GNAZ: variants seen among roughly 807,000 people sequenced by gnomAD.
The protein encoded by GNAZ is G protein subunit alpha z, also known as guanine nucleotide-binding protein G(z) subunit alpha.
A neutral mutation model predicts 25.4 loss-of-function variants in GNAZ; 3 were observed. That is an observed-to-expected ratio of 0.12 (90% CI 0.05 to 0.30). The LOEUF (loss-of-function observed/expected upper bound fraction) is 0.30, where lower values mean the gene tolerates loss of function less well. GNAZ is among the 10% of genes least tolerant of loss of function. GNAZ has a pLI of 1.00. For synonymous variants in GNAZ, 211 were observed against 205.7 expected (o/e 1.03, Z -0.22); for missense variants, 241 against 501.8 (o/e 0.48, Z 4.97).
intron 2 of GNAZ, among the ~76,000 whole-genome samples, chr22:23,100,905 T>C (rs1351308563): frequency 6.6e-6 from 1 of 152,208 alleles, no homozygotes; most frequent in Non-Finnish European, 1.5e-5. Flanking sequence ...ACACAGCGTG[T>C]TCCTGCCACC....
intron 1 of GNAZ, among the ~76,000 whole-genome samples, chr22:23,072,839 G>T (rs1399530009): frequency 6.6e-6 from 1 of 152,220 alleles, no homozygotes; most frequent in East Asian, 1.9e-4. Context: ...AGACCTGGAG[G>T]CCCCACCAGA....
chr22:23,071,672 G>A lies in GNAZ; in HGVS notation c.-450+1102G>A, dbSNP rs1036638277. On this transcript the variant is annotated intron_variant, in intron 1 of 2. Transcript: ENST00000615612. This position sits in a 1 kb window ranked among gnomAD's most constrained non-coding sequence, Gnocchi z 4.1. ...GATTGACCACCGCATAGGGGAAAAC[G>A]TCTCTACTCGACCAACCCCGCTTGA... is the stretch of plus-strand genomic sequence containing the variant. Among the ~76,000 whole-genome samples the A allele has an allele frequency of 2.6e-5, 4 of 152,192 alleles. No individual in the cohort carries two copies. Among genetic ancestry groups the A allele is most frequent in the African/African-American group, 9.7e-5 (4 of 41,448 alleles).
intron 1 of GNAZ, among the ~76,000 whole-genome samples, chr22:23,073,992 G>A (rs1043454370): frequency 2.6e-5 from 4 of 152,126 alleles, no homozygotes; most frequent in Non-Finnish European, 4.4e-5. Context: ...GCTGAGCAGG[G>A]GAGAGACAGC....
Position 23,071,689 on chromosome 22 carries a change from C to T in GNAZ, c.-450+1119C>T, listed in dbSNP as rs1412777034. On this transcript the variant is annotated intron_variant, in intron 1 of 2. Transcript: ENST00000615612. This position sits in a 1 kb window ranked among gnomAD's most constrained non-coding sequence, Gnocchi z 4.1. The stretch of plus-strand genomic sequence containing the variant: ...GGGAAAACGTCTCTACTCGACCAAC[C>T]CCGCTTGAGTGCAGGTGCAGGGGCC... Among the ~76,000 whole-genome samples, 8 of 152,204 alleles carry T rather than the reference C, an allele frequency of 5.3e-5. No individual in the cohort carries two copies. Among genetic ancestry groups the T allele is most frequent in the Non-Finnish European group, 1.0e-4 (7 of 68,046 alleles).
At chr22:23,121,413 C>G (rs1029992872) in intron 2 of GNAZ, among the ~76,000 whole-genome samples, 4 of 152,210 alleles carry the variant, frequency 2.6e-5, no homozygotes, top group Non-Finnish European at 5.9e-5. Context: ...GCAGCATCCT[C>G]CTGGGCACCC....
chr22:23,123,640 C>T lies in GNAZ; in HGVS notation c.*209C>T, dbSNP rs992781475. 1.4e-5 allele frequency: 8 copies of T among 586,334 alleles called. No homozygotes were observed. Among genetic ancestry groups the T allele is most frequent in the South Asian group, 2.1e-5 (1 of 47,430 alleles). 36.3% of individuals were successfully genotyped at this position (586,334 alleles called of 1,614,324 possible). ...AGGTAGATAGACACACACACATGCA[C>T]ACACACACATCTGGAGATGGCAAAA... On this transcript the variant is annotated 3_prime_UTR_variant, in exon 3 of 3. Transcript: ENST00000615612.
intron 1 of GNAZ, among the ~76,000 whole-genome samples, chr22:23,084,571 G>A (rs2068766352): frequency 6.6e-6 from 1 of 152,216 alleles, no homozygotes; most frequent in Non-Finnish European, 1.5e-5. Context: ...CACTGGCCAG[G>A]ATGAAGCAGC....
rs191523724 is a variant in GNAZ, at chr22:23,112,741, G to A, written c.724-10346G>A. On this transcript the variant is annotated intron_variant, in intron 2 of 2. Coordinates refer to ENST00000615612, the MANE Select transcript of GNAZ (RefSeq NM_002073.4). ...GTAGACTGGCTGCAATGGGGAGCCTGGCCAGGAGAAGCCAGAGACGGACAC... is the reference window on the plus strand; with the variant it reads ...GTAGACTGGCTGCAATGGGGAGCCTAGCCAGGAGAAGCCAGAGACGGACAC... Among the ~76,000 whole-genome samples, 372 of 152,286 alleles carry A rather than the reference G, an allele frequency of 2.4e-3. 2 individuals are homozygous for A. Among genetic ancestry groups the A allele is most frequent in the African/African-American group, 8.8e-3 (364 of 41,540 alleles).
At chr22:23,089,027 T>C (rs2068890186) in intron 1 of GNAZ, among the ~76,000 whole-genome samples, 4 of 152,170 alleles carry the variant, frequency 2.6e-5, no homozygotes, top group Admixed American at 1.3e-4. Flanking sequence ...GAACCATCAC[T>C]TCGTCTTGGC....
chr22:23,105,296 C>T (rs2069432866), intron 2 of GNAZ, among the ~76,000 whole-genome samples: 1 of 152,206 alleles, frequency 6.6e-6, no homozygotes, highest in Non-Finnish European at 1.5e-5. Flanking sequence ...AGGTCCTGCC[C>T]CACAGGGCCA....
At chr22:23,123,023 C>G in intron 2 of GNAZ, 64 bp from the exon 3 acceptor site, 2 of 1,069,632 alleles carry the variant, frequency 1.9e-6, no homozygotes, top group Non-Finnish European at 2.8e-6. Flanking sequence ...GGCAGGGCTG[C>G]AGGTCTAGGG....
chr22:23,123,103 G>A lies in GNAZ; in HGVS notation c.740G>A (p.Ser247Asn). ...TTTCCCCAGAGTCGGATGGCAGAGA[G>A]CTTGCGCCTCTTTGACTCCATCTGC... ...EDNQTSRMAE[S>N]LRLFDSICNN... The change falls in exon 3 of 3, where the codon AGC becomes AAC. Residue 247 changes from serine (S) to asparagine (N), a missense_variant. Physicochemically the swap from Ser to Asn is conservative, Grantham distance 46. Transcript: ENST00000615612. 1 of 1,612,718 alleles carries A rather than the reference G, an allele frequency of 6.2e-7. No individual in the cohort carries two copies. Among genetic ancestry groups the A allele is most frequent in the Non-Finnish European group, 8.5e-7 (1 of 1,178,740 alleles).
chr22:23,119,154 G>A (rs932020408), intron 2 of GNAZ, among the ~76,000 whole-genome samples: 24 of 152,198 alleles, frequency 1.6e-4, no homozygotes, highest in Non-Finnish European at 2.4e-4. Flanking sequence ...TCAGGATGCC[G>A]CTTTGCCCAC....
At chr22:23,092,384 G>A (rs901366009) in intron 1 of GNAZ, among the ~76,000 whole-genome samples, 13 of 152,102 alleles carry the variant, frequency 8.5e-5, no homozygotes, top group Admixed American at 4.6e-4. Flanking sequence ...TGCACAGGGC[G>A]CTCATACCCC....
intron 2 of GNAZ, among the ~76,000 whole-genome samples, chr22:23,118,443 G>A (rs1163305886): frequency 2.0e-5 from 3 of 152,224 alleles, no homozygotes; most frequent in Non-Finnish European, 4.4e-5. Flanking sequence ...AGCAGTGAAT[G>A]GTGGTGTGTT....
intron 1 of GNAZ, among the ~76,000 whole-genome samples, chr22:23,083,805 C>T (rs1391132769): frequency 2.0e-5 from 3 of 152,228 alleles, no homozygotes; most frequent in Admixed American, 6.5e-5. Flanking sequence ...CAGCGGCACA[C>T]CACACCTGTT....
intron 1 of GNAZ, among the ~76,000 whole-genome samples, chr22:23,092,900 T>G (rs2069024320): frequency 6.6e-6 from 1 of 152,216 alleles, no homozygotes; most frequent in African/African-American, 2.4e-5. Flanking sequence ...CACCTCCCAC[T>G]GGGTTGGACA....
intron 2 of GNAZ, among the ~76,000 whole-genome samples, chr22:23,099,284 T>C (rs1298337794): frequency 6.6e-6 from 1 of 152,248 alleles, no homozygotes; most frequent in Non-Finnish European, 1.5e-5. Context: ...CGGGTGTCTG[T>C]GGAGCATGGC....
At chr22:23,122,399 C>T (rs962735301) in intron 2 of GNAZ, 27 of 152,948 alleles carry the variant, frequency 1.8e-4, no homozygotes, top group South Asian at 8.3e-4. Flanking sequence ...GGTCCTGCCT[C>T]GGCAGAGAGG....
Sources: gnomAD v4.1 joint callset for allele counts (sites outside exome capture counted in the v4.1 genomes callset) on GRCh38, gnomAD v4.1.1 for gene constraint, Gnocchi (gnomAD v3.1) non-coding constraint, MANE v1.5 for transcripts, NCBI Gene and HGNC (gene_info 2026-07-23, HGNC 2026-07-21) for gene names.